Variants in OSTF1 observed in about 807,000 individuals in gnomAD.
OSTF1 encodes the protein osteoclast-stimulating factor 1.
In OSTF1, 27 loss-of-function variants were observed where a neutral mutation model predicts 37.2. The ratio of observed to expected loss-of-function variants is 0.73; its 90% CI spans 0.54 to 1.00. The LOEUF (loss-of-function observed/expected upper bound fraction) is 1.00, where lower values mean the gene tolerates loss of function less well. Among genes scored for constraint, OSTF1 ranks in the 50% least tolerant of loss-of-function variants. The pLI is 0.00. For synonymous variants in OSTF1, 82 were observed against 89.2 expected (o/e 0.92, Z 0.46); for missense variants, 232 against 253.8 (o/e 0.91, Z 0.58).
chr9:75,124,878 G>A (rs1386883541), intron 2 of OSTF1, among the ~76,000 whole-genome samples: 1 of 152,178 alleles, frequency 6.6e-6, no homozygotes. Context: ...GGGTCAAACT[G>A]TAGAGAAAGA....
chr9:75,125,390 C>T (rs781278511), intron 2 of OSTF1, among the ~76,000 whole-genome samples: 4 of 152,086 alleles, frequency 2.6e-5, no homozygotes, highest in Admixed American at 6.6e-5. Context: ...GGTCATTGAT[C>T]GATCATCAGA....
chr9:75,117,117 G>A (rs999020976), intron 1 of OSTF1, among the ~76,000 whole-genome samples: 6 of 152,162 alleles, frequency 3.9e-5, no homozygotes, highest in African/African-American at 1.2e-4. Context: ...GGGCTACATA[G>A]TGATGTTTTA....
intron 1 of OSTF1, among the ~76,000 whole-genome samples, chr9:75,089,195 C>T (rs935622445): frequency 6.6e-6 from 1 of 151,762 alleles, no homozygotes; most frequent in Admixed American, 6.6e-5. Context: ...GGCGAGCGAG[C>T]CTCCCTCGGG....
chr9:75,133,006 CACACA>C (rs1825787848), intron 5 of OSTF1, among the ~76,000 whole-genome samples: 3 of 28,100 alleles, frequency 1.1e-4, no homozygotes, highest in South Asian at 8.6e-4. Context: ...CACACACACA[CACACA>C]CCCCTATATA....
At chr9:75,111,533 G>T (rs974329273) in intron 1 of OSTF1, among the ~76,000 whole-genome samples, 4 of 152,136 alleles carry the variant, frequency 2.6e-5, no homozygotes, top group Non-Finnish European at 5.9e-5. Flanking sequence ...GCTAATACGT[G>T]CAGGTTCATG....
intron 7 of OSTF1, among the ~76,000 whole-genome samples, chr9:75,134,732 C>T (rs1303016750): frequency 6.6e-6 from 1 of 152,302 alleles, no homozygotes; most frequent in African/African-American, 2.4e-5. Flanking sequence ...CCCCAGCTCT[C>T]ATCTTTCAGC....
intron 1 of OSTF1, among the ~76,000 whole-genome samples, chr9:75,112,031 G>T (rs1181163582): frequency 6.6e-6 from 1 of 151,078 alleles, no homozygotes; most frequent in Non-Finnish European, 1.5e-5. Flanking sequence ...CACCAAGTTA[G>T]CCAGGCTGGT....
At chr9:75,143,372 A>G (rs1483532002) in intron 9 of OSTF1, among the ~76,000 whole-genome samples, 3 of 152,286 alleles carry the variant, frequency 2.0e-5, no homozygotes, top group East Asian at 1.9e-4. Flanking sequence ...TATAATTTAC[A>G]TTAAGTAAGT....
intron 4 of OSTF1, 40 bp downstream of exon 4, chr9:75,130,681 T>G (rs1193297420): frequency 7.4e-7 from 1 of 1,349,360 alleles, no homozygotes; most frequent in African/African-American, 1.4e-5. Context: ...CTTCGTTCAC[T>G]TGGAATTTTT....
At chr9:75,091,997 A>G (rs1473716554) in intron 1 of OSTF1, among the ~76,000 whole-genome samples, 4 of 152,214 alleles carry the variant, frequency 2.6e-5, no homozygotes, top group Non-Finnish European at 5.9e-5. Flanking sequence ...TAGCAGAAAT[A>G]CAAGACAGAA....
intron 2 of OSTF1, among the ~76,000 whole-genome samples, chr9:75,123,019 T>C (rs1318768424): frequency 6.6e-6 from 1 of 152,274 alleles, no homozygotes; most frequent in Non-Finnish European, 1.5e-5. Context: ...AATGGGAATA[T>C]ATGTTACCAA....
At chr9:75,088,802 G>A in intron 1 of OSTF1, 76 bp downstream of exon 1, 2 of 1,428,282 alleles carry the variant, frequency 1.4e-6, no homozygotes, top group Non-Finnish European at 9.7e-7. Flanking sequence ...AGCTTGGCAG[G>A]GAGGACCCGG....
chr9:75,110,768 T>G (rs1289807774), intron 1 of OSTF1, among the ~76,000 whole-genome samples: 1 of 151,948 alleles, frequency 6.6e-6, no homozygotes, highest in Non-Finnish European at 1.5e-5. Context: ...TGGAGTGCAG[T>G]GGTGCAGTCA....
chr9:75,099,406 C>G (rs1173496702), intron 1 of OSTF1, among the ~76,000 whole-genome samples: 1 of 152,082 alleles, frequency 6.6e-6, no homozygotes, highest in Non-Finnish European at 1.5e-5. Context: ...CATGTGCTGC[C>G]AAGCCCAACT....
chr9:75,130,563 C>T lies in OSTF1; in HGVS notation c.133-15C>T. On this transcript the variant is annotated splice_polypyrimidine_tract_variant and intron_variant, in intron 3 of 9. Transcript: ENST00000346234. ...CTGGATTTCATACCACTTAATTTAA[C>T]TCTTCTTTTACCAGAGCGATACCAA... 5.1e-6 allele frequency: 8 copies of T among 1,581,204 alleles called. No individual in the cohort carries two copies. Among genetic ancestry groups the T allele is most frequent in the Non-Finnish European group, 7.0e-6 (8 of 1,149,958 alleles).
intron 1 of OSTF1, among the ~76,000 whole-genome samples, chr9:75,095,901 T>G (rs986818567): frequency 3.9e-5 from 6 of 151,968 alleles, no homozygotes; most frequent in African/African-American, 1.4e-4. Flanking sequence ...CCCCCCTTTT[T>G]TTTTTTTTGA....
chr9:75,129,836 TGG>T (rs1455496052), intron 3 of OSTF1, among the ~76,000 whole-genome samples: 1 of 152,210 alleles, frequency 6.6e-6, no homozygotes, highest in Non-Finnish European at 1.5e-5. Flanking sequence ...TCCCAAATTA[TGG>T]GGCAGTTGGG....
chr9:75,119,737 C>T (rs186839516), intron 2 of OSTF1, among the ~76,000 whole-genome samples: 5 of 152,264 alleles, frequency 3.3e-5, no homozygotes, highest in South Asian at 2.1e-4. Context: ...GAGGCTGAGG[C>T]GGGTGGATCA....
intron 1 of OSTF1, among the ~76,000 whole-genome samples, chr9:75,101,682 A>C (rs138927103): frequency 5.3e-5 from 8 of 152,208 alleles, no homozygotes; most frequent in Non-Finnish European, 1.0e-4. Context: ...AGTTTGTATT[A>C]TTTTACCAGA....
Sources: allele counts gnomAD v4.1 joint callset (sites outside exome capture counted in the v4.1 genomes callset), GRCh38; gene constraint gnomAD v4.1.1; transcripts MANE v1.5; gene names NCBI Gene and HGNC (gene_info 2026-07-23, HGNC 2026-07-21).